ANTXR2: variants seen among roughly 807,000 people sequenced by gnomAD.
The protein encoded by ANTXR2 is ANTXR cell adhesion molecule 2.
A neutral mutation model predicts 73.7 loss-of-function variants in ANTXR2; 44 were observed. That is an observed-to-expected ratio of 0.60 (90% confidence interval 0.47 to 0.77). The LOEUF is 0.77. ANTXR2 is among the 30% of genes least tolerant of loss of function. The pLI, the probability that ANTXR2 is intolerant of heterozygous loss-of-function variation, is 0.00. For missense variants in ANTXR2, 604 were observed against 592.5 expected (o/e 1.02, Z -0.20); for synonymous variants, 217 against 205.9 (o/e 1.05, Z -0.46).
chr4:79,996,358 A>ATGG lies in ANTXR2; in HGVS notation c.1042-11496_1042-11495insCCA, dbSNP rs1389477565. On this transcript the variant is annotated intron_variant, in intron 12 of 16. Coordinates refer to ENST00000403729, the MANE Select transcript of ANTXR2 (RefSeq NM_058172.6). ...GGATGGATGGATGGATGGATGGATG[A>ATGG]ATGAATGAATTGACAAATAGATGAT... is the stretch of plus-strand genomic sequence containing the variant. 2.3e-4 allele frequency among the ~76,000 whole-genome samples: 18 copies of ATGG among 79,364 alleles called. No individual in the cohort carries two copies. The East Asian group carries it at 2.3e-3, about 10-fold the overall frequency. The allele number at this position is 79,364 out of a possible 152,430, so 52.1% of individuals were successfully genotyped here.
intron 7 of ANTXR2, among the ~76,000 whole-genome samples, chr4:80,039,384 A>G (rs1472076091): frequency 1.3e-5 from 2 of 152,274 alleles, no homozygotes; most frequent in East Asian, 1.9e-4. Context: ...AGTTTGCACC[A>G]TAAGTTTTTT....
chr4:80,002,240 C>G (rs938793380), intron 12 of ANTXR2, among the ~76,000 whole-genome samples: 1 of 152,030 alleles, frequency 6.6e-6, no homozygotes, highest in East Asian at 1.9e-4. Flanking sequence ...GAACAGAGCC[C>G]TCAGAAATAA....
In ANTXR2 at chr4:80,033,480, T is replaced by C; in HGVS notation, c.788A>G (p.Tyr263Cys). 6.3e-7 allele frequency: 1 copy of C among 1,596,294 alleles called. No individual in the cohort carries two copies. Among genetic ancestry groups the C allele is most frequent in the Non-Finnish European group, 8.5e-7 (1 of 1,172,178 alleles). The change falls in exon 9 of 17, where the codon TAT (tyrosine) becomes TGT (cysteine). Residue 263 changes from tyrosine to cysteine, a missense_variant. Physicochemically the swap from Tyr to Cys is radical, Grantham distance 194 (BLOSUM62 -2). Coordinates refer to ENST00000403729, the MANE Select transcript of ANTXR2 (RefSeq NM_058172.6). ...GATTACTGGGGACCTACTCGTTGTA[T>C]ATGTTTCATTTACAGTGTAAGTGCA... ...VLCTYTVNET[Y>C]TTSVKPVSVQ...
At chr4:79,988,326 A>G (rs1365426713) in intron 12 of ANTXR2, among the ~76,000 whole-genome samples, 1 of 147,870 alleles carries the variant, frequency 6.8e-6, no homozygotes, top group African/African-American at 2.5e-5. Flanking sequence ...AGCAAACAGA[A>G]AACAAAAAAA....
At chr4:79,921,403 G>C (rs1458790348) in intron 16 of ANTXR2, among the ~76,000 whole-genome samples, 1 of 151,932 alleles carries the variant, frequency 6.6e-6, no homozygotes, top group Admixed American at 6.6e-5. Context: ...TACTGTCCTA[G>C]TCAAAAAATT....
chr4:79,982,005 G>A (rs1729912408), intron 14 of ANTXR2, among the ~76,000 whole-genome samples: 1 of 152,036 alleles, frequency 6.6e-6, no homozygotes. Flanking sequence ...AACCAATAAT[G>A]TTCCTTTTAA....
intron 11 of ANTXR2, among the ~76,000 whole-genome samples, chr4:80,009,223 A>T (rs1369794413): frequency 3.9e-5 from 6 of 152,020 alleles, no homozygotes; most frequent in Non-Finnish European, 8.8e-5. Flanking sequence ...TCCCTTCCTA[A>T]CTACTGAGCT....
At chr4:79,919,917 ATAT>A (rs1727527429) in intron 16 of ANTXR2, among the ~76,000 whole-genome samples, 22 of 16,552 alleles carry the variant, frequency 1.3e-3, no homozygotes, top group African/African-American at 3.3e-3. Context: ...ATATATATAT[ATAT>A]AAAAAATGAT....
intron 8 of ANTXR2, 130 bp from the exon 9 acceptor site, chr4:80,033,700 G>GTCTTC: frequency 3.1e-6 from 2 of 653,066 alleles, no homozygotes; most frequent in Non-Finnish European, 5.1e-6. Flanking sequence ...TAATAGCAAT[G>GTCTTC]AAGACATAGC....
At chr4:80,055,296 T>C in intron 5 of ANTXR2, 64 bp downstream of exon 5, 6 of 1,556,716 alleles carry the variant, frequency 3.9e-6, no homozygotes, top group Non-Finnish European at 5.3e-6. Context: ...TATCAAGCTA[T>C]ACATTCCGAG....
chr4:79,926,129 T>C (rs1727771044), intron 16 of ANTXR2, among the ~76,000 whole-genome samples: 1 of 152,152 alleles, frequency 6.6e-6, no homozygotes, highest in Admixed American at 6.5e-5. Context: ...ATTAATTGAT[T>C]AGTTTATGTT....
rs74780855 is a variant in ANTXR2 at position 80,014,949 on chromosome 4, T to C, written c.945+3949A>G. Among the ~76,000 whole-genome samples the C allele has an allele frequency of 9.6e-3, 1,469 of 152,278 alleles. 12 individuals are homozygous for C. Among genetic ancestry groups the C allele is most frequent in the Middle Eastern group, 0.027 (8 of 294 alleles). ...ACCTTTTGTTTCATCACAGGTAAAT[T>C]CACTCTTCCCTCTTGCAACAGTCTT... On this transcript the variant is annotated intron_variant, in intron 11 of 16. Coordinates refer to ENST00000403729, the MANE Select transcript of ANTXR2 (RefSeq NM_058172.6).
chr4:79,952,878 A>G (rs1340676820), intron 16 of ANTXR2, among the ~76,000 whole-genome samples: 1 of 151,996 alleles, frequency 6.6e-6, no homozygotes, highest in Non-Finnish European at 1.5e-5. Context: ...ATGCCCTAGG[A>G]ATAAAGGAAA....
At chr4:79,988,229 TTATATATATATATATA>T (rs70944756) in intron 12 of ANTXR2, among the ~76,000 whole-genome samples, 4,795 of 68,160 alleles carry the variant, frequency 0.07, 174 homozygotes, top group Non-Finnish European at 0.083. Context: ...CACATAAATT[TTATATATATATATATA>T]TATATATATA....
chr4:80,038,331 A>C (rs1003127942), intron 7 of ANTXR2, among the ~76,000 whole-genome samples: 4 of 152,134 alleles, frequency 2.6e-5, no homozygotes, highest in African/African-American at 4.8e-5. Flanking sequence ...GATCCAATCC[A>C]TCAAAACATT....
chr4:79,982,784 G>A (rs1345934769), intron 14 of ANTXR2, among the ~76,000 whole-genome samples: 2 of 152,222 alleles, frequency 1.3e-5, no homozygotes, highest in South Asian at 4.1e-4. Context: ...AAGCTCTCAG[G>A]GAAAATGTCC....
Position 79,983,967 on chromosome 4 carries a change from C to T in ANTXR2, c.1090G>A (p.Glu364Lys), listed in dbSNP as rs1406698135. ...TTTTTAGTAGGCAAAGGTTCTTCTT[C>T]CTCCTGTGGAAATATGTTTTATAAA... Reference protein sequence around the residue: ...PPPAPAPKEEEEEPLPTKKWP... With the variant: ...PPPAPAPKEEKEEPLPTKKWP... The change falls in exon 14 of 17, where the codon GAA (glutamate) becomes AAA (lysine). Residue 364 changes from glutamate to lysine, a missense_variant. By Grantham distance (56) the Glu-to-Lys change is moderately conservative. Coordinates refer to ENST00000403729, the MANE Select transcript of ANTXR2 (RefSeq NM_058172.6). 1 of 1,581,954 alleles carries T rather than the reference C, an allele frequency of 6.3e-7. No individual in the cohort carries two copies. Among genetic ancestry groups the T allele is most frequent in the South Asian group, 1.2e-5 (1 of 84,456 alleles).
chr4:80,037,660 A>G (rs1733040966), intron 7 of ANTXR2, among the ~76,000 whole-genome samples: 1 of 152,054 alleles, frequency 6.6e-6, no homozygotes, highest in Non-Finnish European at 1.5e-5. Flanking sequence ...AGAATTAAGA[A>G]CTCTTGTTAA....
intron 7 of ANTXR2, among the ~76,000 whole-genome samples, chr4:80,046,628 T>C (rs1210993290): frequency 1.3e-5 from 2 of 151,842 alleles, no homozygotes. Context: ...TCTTAGTCTA[T>C]ATTTATTCCA....
Sources: allele counts gnomAD v4.1 joint callset (sites outside exome capture counted in the v4.1 genomes callset), GRCh38; gene constraint gnomAD v4.1.1; transcripts MANE v1.5; gene names NCBI Gene and HGNC (gene_info 2026-07-23, HGNC 2026-07-21).